The following MARK3 variants were observed in gnomAD, a reference collection of about 807,000 sequenced individuals.
MARK3 encodes the protein MAP/microtubule affinity-regulating kinase 3.
Under a neutral mutation model 90.1 loss-of-function variants are expected in MARK3, and 46 were observed. That is an observed-to-expected ratio of 0.51 (90% CI 0.40 to 0.65). MARK3 has a LOEUF of 0.65. Among genes scored for constraint, MARK3 ranks in the 30% least tolerant of loss-of-function variants. The probability of loss-of-function intolerance (pLI) is 0.00; values close to 1 mark genes in which losing one functional copy is unlikely to be tolerated. For synonymous variants in MARK3, 321 were observed against 332.6 expected (o/e 0.97, Z 0.38); for missense variants, 818 against 947.2 (o/e 0.86, Z 1.79).
chr14:103,495,301 G>A (rs543319677), intron 15 of MARK3, among the ~76,000 whole-genome samples: 1 of 152,298 alleles, frequency 6.6e-6, no homozygotes, highest in Admixed American at 6.5e-5. Context: ...CCAACATGGT[G>A]AAACCCCATC....
chr14:103,465,609 G>T lies in MARK3; in HGVS notation c.593G>T (p.Gly198Val). Residue 198 changes from glycine to valine, a missense_variant, in exon 8 of 18, where the codon GGT becomes GTT. Gly to Val is a moderately radical substitution (Grantham distance 109, BLOSUM62 -3). Transcript: ENST00000429436. ...ADMNIKIADFGFSNEFTVGGK... is the reference protein window; with the variant it reads ...ADMNIKIADFVFSNEFTVGGK... Reference sequence around the variant, plus strand: ...ATGAACATTAAAATAGCAGATTTCGGTTTTAGCAATGAATTTACTGTTGGC... The same window carrying T: ...ATGAACATTAAAATAGCAGATTTCGTTTTTAGCAATGAATTTACTGTTGGC... 6.2e-7 allele frequency: 1 copy of T among 1,614,072 alleles called. No individual in the cohort carries two copies.
At chr14:103,462,842 G>A (rs2141523288) in intron 7 of MARK3, among the ~76,000 whole-genome samples, 1 of 152,234 alleles carries the variant, frequency 6.6e-6, no homozygotes, top group South Asian at 2.1e-4. Context: ...CCTCTTTCAA[G>A]GTCCTCAGCC....
At chr14:103,461,929 G>A (rs937130651) in intron 6 of MARK3, among the ~76,000 whole-genome samples, 1 of 151,800 alleles carries the variant, frequency 6.6e-6, no homozygotes, top group Non-Finnish European at 1.5e-5. Flanking sequence ...CCAGCTACTC[G>A]GGAGACTGAG....
intron 14 of MARK3, among the ~76,000 whole-genome samples, chr14:103,486,730 T>C (rs2093935968): frequency 6.6e-6 from 1 of 152,146 alleles, no homozygotes; most frequent in South Asian, 2.1e-4. Context: ...TGTACAAAAT[T>C]GAAATTTGCA....
intron 5 of MARK3, among the ~76,000 whole-genome samples, chr14:103,456,378 G>A (rs536067938): frequency 1.0e-3 from 157 of 152,088 alleles, no homozygotes; most frequent in African/African-American, 3.6e-3. Context: ...TCCTCACCAC[G>A]GCCTACAGGA....
intron 2 of MARK3, among the ~76,000 whole-genome samples, chr14:103,418,233 TTTTTTTTTTAG>T (rs1422370087): frequency 2.0e-5 from 3 of 150,376 alleles, no homozygotes; most frequent in Admixed American, 2.0e-4. Flanking sequence ...TTTTTTTTTT[TTTTTTTTTTAG>T]CTCTTTTATA....
At chr14:103,482,854 T>C (rs181244019) in intron 14 of MARK3, among the ~76,000 whole-genome samples, 1 of 152,312 alleles carries the variant, frequency 6.6e-6, no homozygotes, top group East Asian at 1.9e-4. Context: ...GCCAACTCTT[T>C]CATATCCTGA....
chr14:103,444,484 G>A (rs2092942956), intron 3 of MARK3, among the ~76,000 whole-genome samples: 1 of 152,178 alleles, frequency 6.6e-6, no homozygotes. Context: ...GTTGTATTAA[G>A]ATAGTAGAAA....
At chr14:103,453,629 C>T (rs1306005262) in intron 5 of MARK3, among the ~76,000 whole-genome samples, 1 of 152,050 alleles carries the variant, frequency 6.6e-6, no homozygotes, top group Non-Finnish European at 1.5e-5. Context: ...TTGGGATTTT[C>T]AAAACTTCAG....
intron 1 of MARK3, among the ~76,000 whole-genome samples, chr14:103,399,329 T>C (rs1002041464): frequency 7.9e-5 from 12 of 152,196 alleles, no homozygotes; most frequent in African/African-American, 2.7e-4. Context: ...TGAGTTGATA[T>C]GGCCCCTATG....
At chr14:103,436,919 C>T (rs926266292) in intron 3 of MARK3, among the ~76,000 whole-genome samples, 4 of 152,138 alleles carry the variant, frequency 2.6e-5, no homozygotes, top group African/African-American at 7.2e-5. Flanking sequence ...GGTGAAACCC[C>T]GTCTCTACTA....
chr14:103,473,751 T>G (rs927467475), intron 12 of MARK3, among the ~76,000 whole-genome samples: 2 of 152,032 alleles, frequency 1.3e-5, no homozygotes, highest in African/African-American at 4.8e-5. Flanking sequence ...TTGAGACAGG[T>G]TCTCACTCTG....
At chr14:103,490,049 G>C (rs1426997122) in intron 14 of MARK3, 1 of 152,464 alleles carries the variant, frequency 6.6e-6, no homozygotes, top group Non-Finnish European at 1.5e-5. Flanking sequence ...TGGGCATGGT[G>C]GCTCATGCCT....
At chr14:103,502,367 G>A (rs1343067608) in intron 17 of MARK3, among the ~76,000 whole-genome samples, 4 of 152,206 alleles carry the variant, frequency 2.6e-5, no homozygotes, top group Non-Finnish European at 5.9e-5. Flanking sequence ...AGAGCATCAT[G>A]TTCAGCCTCA....
intron 2 of MARK3, among the ~76,000 whole-genome samples, chr14:103,407,878 T>C (rs12879663): frequency 0.28 from 43,237 of 151,876 alleles, 7,284 homozygotes; most frequent in Non-Finnish European, 0.36. Flanking sequence ...GTTTCTTGCA[T>C]TTAGGTCTTT....
chr14:103,398,041 G>A (rs184678094), intron 1 of MARK3, among the ~76,000 whole-genome samples: 9 of 152,196 alleles, frequency 5.9e-5, no homozygotes, highest in Admixed American at 2.0e-4. Context: ...TTATCTGTGC[G>A]CTTAATATAT....
At chr14:103,485,865 G>A (rs537922930) in intron 14 of MARK3, among the ~76,000 whole-genome samples, 44 of 151,952 alleles carry the variant, frequency 2.9e-4, no homozygotes, top group Non-Finnish European at 4.3e-4. Flanking sequence ...TGAGACCCCC[G>A]TCTCTATAAA....
intron 2 of MARK3, among the ~76,000 whole-genome samples, chr14:103,426,561 T>C (rs576271320): frequency 6.6e-6 from 1 of 152,280 alleles, no homozygotes; most frequent in South Asian, 2.1e-4. Context: ...GGAGCTCAGG[T>C]GCAAAGCCGA....
rs2093551151 is a variant in MARK3 at position 103,468,161 on chromosome 14, A to G, written c.1239A>G (p.Gln413=). ...HKVQRSVSSS[Q]KQRRYSDHAG... ...TGCAGAGAAGTGTTTCTTCAAGCCA[A>G]AAGCAAAGACGCTACAGTGACCATG... The change falls in exon 12 of 18, where the codon CAA becomes CAG. Residue 413 remains glutamine, a synonymous_variant. Coordinates refer to ENST00000429436, the MANE Select transcript of MARK3 (RefSeq NM_001128918.3). 2.5e-6 allele frequency: 4 copies of G among 1,613,904 alleles called. No homozygotes were observed. The highest frequency in any genetic ancestry group is 3.4e-6 in the Non-Finnish European group (4 of 1,179,932).
Sources: allele counts gnomAD v4.1 joint callset (sites outside exome capture counted in the v4.1 genomes callset), GRCh38; gene constraint gnomAD v4.1.1; transcripts MANE v1.5; gene names NCBI Gene and HGNC (gene_info 2026-07-23, HGNC 2026-07-21).